Variants in TMEM244 observed in about 807,000 individuals in gnomAD.
TMEM244 encodes the protein transmembrane protein 244.
TMEM244 carries 13 observed loss-of-function variants against 15.8 expected under a neutral mutation model. The ratio of observed to expected loss-of-function variants is 0.82; its 90% CI spans 0.53 to 1.30. The LOEUF (loss-of-function observed/expected upper bound fraction) is 1.30, where lower values mean the gene tolerates loss of function less well. Among genes scored for constraint, TMEM244 ranks in the 50% most tolerant of loss-of-function variants. The pLI, the probability that TMEM244 is intolerant of heterozygous loss-of-function variation, is 0.00. For missense variants in TMEM244, 161 were observed against 144.9 expected, an observed-to-expected ratio of 1.11 and a Z score of -0.57; for synonymous variants, 45 against 48.7, an observed-to-expected ratio of 0.92 and a Z score of 0.32.
intron 3 of TMEM244, among the ~76,000 whole-genome samples, chr6:129,836,350 A>G (rs1776406838): frequency 6.6e-6 from 1 of 152,176 alleles, no homozygotes; most frequent in Non-Finnish European, 1.5e-5. Flanking sequence ...GGGAAAACTA[A>G]CAAACAGAAA....
chr6:129,831,430 A>G, intron 4 of TMEM244, 44 bp from the exon 5 acceptor site: 2 of 1,347,356 alleles, frequency 1.5e-6, no homozygotes, highest in South Asian at 1.2e-5. Flanking sequence ...ATGCGTTTTT[A>G]TATTTTGCTC....
chr6:129,836,769 T>C (rs1776414695), intron 3 of TMEM244, among the ~76,000 whole-genome samples: 1 of 152,134 alleles, frequency 6.6e-6, no homozygotes, highest in Admixed American at 6.6e-5. Flanking sequence ...ATGAGAACTT[T>C]GTGATGCATG....
At chr6:129,851,008 C>T (rs1456328450) in intron 1 of TMEM244, among the ~76,000 whole-genome samples, 1 of 152,100 alleles carries the variant, frequency 6.6e-6, no homozygotes, top group Non-Finnish European at 1.5e-5. Context: ...TCACTGTACT[C>T]ATATTTTCTC....
intron 3 of TMEM244, among the ~76,000 whole-genome samples, chr6:129,837,810 CAA>C (rs1209600165): frequency 6.6e-6 from 1 of 152,026 alleles, no homozygotes; most frequent in African/African-American, 2.4e-5. Flanking sequence ...CAACAAAGAT[CAA>C]AAGAGACAAA....
At chr6:129,841,996 A>C (rs1354117093) in intron 3 of TMEM244, among the ~76,000 whole-genome samples, 1 of 152,180 alleles carries the variant, frequency 6.6e-6, no homozygotes, top group East Asian at 1.9e-4. Flanking sequence ...TAATACGCTA[A>C]GGTTTTATTG....
At chr6:129,840,605 T>G (rs1156582961) in intron 3 of TMEM244, among the ~76,000 whole-genome samples, 3 of 152,190 alleles carry the variant, frequency 2.0e-5, no homozygotes, top group Non-Finnish European at 2.9e-5. Flanking sequence ...AAAGAGCTTC[T>G]GCACAGCAAA....
chr6:129,833,933 T>C (rs1369284424), intron 3 of TMEM244, among the ~76,000 whole-genome samples: 4 of 151,954 alleles, frequency 2.6e-5, no homozygotes, highest in Admixed American at 2.6e-4. Flanking sequence ...TAAAAACTAA[T>C]GAAAAAATCC....
intron 2 of TMEM244, among the ~76,000 whole-genome samples, chr6:129,844,406 T>C (rs1776534876): frequency 1.3e-5 from 2 of 152,220 alleles, no homozygotes; most frequent in Non-Finnish European, 2.9e-5. Flanking sequence ...CTAATCCTGG[T>C]GGTGCTATAA....
intron 1 of TMEM244, among the ~76,000 whole-genome samples, chr6:129,857,317 TACACACACACAC>T (rs139849085): frequency 6.7e-6 from 1 of 148,638 alleles, no homozygotes; most frequent in Non-Finnish European, 1.5e-5. Context: ...TATGTGTGTA[TACACACACACAC>T]ACACACACAC....
At position 129,845,852 on chromosome 6, in the gene TMEM244, C is replaced by A; in HGVS notation, c.34G>T (p.Val12Phe). The change falls in exon 2 of 5, where the codon GTT (valine) becomes TTT (phenylalanine). Residue 12 changes from valine (V) to phenylalanine (F), a missense_variant and splice_region_variant. Val to Phe is a conservative substitution (Grantham distance 50). Coordinates refer to ENST00000368143, the MANE Select transcript of TMEM244 (RefSeq NM_001010876.2). ...CATAGAAGAAACTTCTGCAAAACAA[C>A]CTGTGGAGAAAACAGGCATGAGGTC... ...ALQVRVAPSKVVLQKFLLCVI... is the reference protein window; with the variant it reads ...ALQVRVAPSKFVLQKFLLCVI... 2 of 1,610,574 alleles carry A rather than the reference C, an allele frequency of 1.2e-6. No individual in the cohort carries two copies. The highest frequency in any genetic ancestry group is 2.7e-5 in the African/African-American group (2 of 74,864).
intron 3 of TMEM244, among the ~76,000 whole-genome samples, chr6:129,835,944 A>C (rs1776399166): frequency 6.6e-6 from 1 of 152,224 alleles, no homozygotes. Flanking sequence ...ACAGCTCAGC[A>C]AGGCCTACTG....
chr6:129,860,813 C>CAA (rs11480627), intron 1 of TMEM244, among the ~76,000 whole-genome samples: 233 of 127,392 alleles, frequency 1.8e-3, no homozygotes, highest in African/African-American at 6.2e-3. Flanking sequence ...CCACTCCCTG[C>CAA]AAAAAAAAAA....
At chr6:129,859,435 T>G (rs548930542) in intron 1 of TMEM244, among the ~76,000 whole-genome samples, 1 of 152,324 alleles carries the variant, frequency 6.6e-6, no homozygotes, top group South Asian at 2.1e-4. Flanking sequence ...GGTAAGTAGT[T>G]CCCTCTGAAA....
intron 1 of TMEM244, among the ~76,000 whole-genome samples, chr6:129,855,405 A>G (rs2114646430): frequency 6.6e-6 from 1 of 152,306 alleles, no homozygotes; most frequent in Non-Finnish European, 1.5e-5. Flanking sequence ...TCTCAATGAC[A>G]GAAAGTGAAG....
intron 1 of TMEM244, among the ~76,000 whole-genome samples, chr6:129,855,114 C>T (rs755142492): frequency 1.3e-5 from 2 of 152,182 alleles, no homozygotes; most frequent in African/African-American, 4.8e-5. Context: ...GGCAGGATTT[C>T]CACATGGGAC....
intron 1 of TMEM244, among the ~76,000 whole-genome samples, 171 bp from the exon 2 acceptor site, chr6:129,846,023 T>C (rs1341271202): frequency 3.9e-5 from 6 of 152,208 alleles, no homozygotes; most frequent in African/African-American, 1.4e-4. Context: ...TGGAGCTTCT[T>C]TAGCGGTATA....
At chr6:129,858,869 C>G (rs569544068) in intron 1 of TMEM244, among the ~76,000 whole-genome samples, 2 of 151,880 alleles carry the variant, frequency 1.3e-5, no homozygotes, top group Non-Finnish European at 2.9e-5. Flanking sequence ...TCTCAGCTCA[C>G]TGTAACCTCT....
At chr6:129,840,154 G>A (rs1776467709) in intron 3 of TMEM244, among the ~76,000 whole-genome samples, 1 of 152,168 alleles carries the variant, frequency 6.6e-6, no homozygotes, top group Non-Finnish European at 1.5e-5. Context: ...AAAGCTGGAG[G>A]CATCACGCTA....
At chr6:129,834,978 T>C (rs373202212) in intron 3 of TMEM244, among the ~76,000 whole-genome samples, 3 of 151,632 alleles carry the variant, frequency 2.0e-5, no homozygotes, top group East Asian at 3.8e-4. Context: ...GCTGCATTCA[T>C]GTATATTAAT....
Sources: allele counts gnomAD v4.1 joint callset (sites outside exome capture counted in the v4.1 genomes callset), GRCh38; gene constraint gnomAD v4.1.1; transcripts MANE v1.5; gene names NCBI Gene and HGNC (gene_info 2026-07-23, HGNC 2026-07-21).